EXOC7: variants seen among roughly 807,000 people sequenced by gnomAD.
EXOC7 encodes exocyst complex component 7.
Under a neutral mutation model 87.6 loss-of-function variants are expected in EXOC7, and 51 were observed. That is an observed-to-expected ratio of 0.58 (90% confidence interval 0.46 to 0.73). The LOEUF is 0.73. EXOC7 is among the 30% of genes least tolerant of loss of function. The probability of loss-of-function intolerance (pLI) is 0.00; values close to 1 mark genes in which losing one functional copy is unlikely to be tolerated. For missense variants in EXOC7, 744 were observed against 888.4 expected, an observed-to-expected ratio of 0.84 and a Z score of 2.07; for synonymous variants, 327 against 357.1, an observed-to-expected ratio of 0.92 and a Z score of 0.95.
In EXOC7 at chr17:76,081,286, T is replaced by C. The variant is rs2066958651; in HGVS notation, c.*2362A>G. 1 of 1,613,638 alleles carries C rather than the reference T, an allele frequency of 6.2e-7. No individual in the cohort carries two copies. The highest frequency in any genetic ancestry group is 1.1e-5 in the South Asian group (1 of 91,078). ...TCATTCCCACCCCTCAGCGATGGAG[T>C]TAGAGTTCCAGGCCCACGTGGTGAA... On this transcript the variant is annotated 3_prime_UTR_variant, in exon 19 of 19. Coordinates refer to ENST00000589210, the MANE Select transcript of EXOC7 (RefSeq NM_001013839.4).
chr17:76,090,596 T>C, intron 7 of EXOC7: 1 of 986,594 alleles, frequency 1.0e-6, no homozygotes, highest in Non-Finnish European at 1.5e-6. Context: ...AAGCCTGACT[T>C]CAGTGAGCAC....
At chr17:76,103,131 AAGC>A in intron 2 of EXOC7, 1 of 565,686 alleles carries the variant, frequency 1.8e-6, no homozygotes, top group Admixed American at 3.2e-5. Flanking sequence ...CTTAGACAGA[AAGC>A]AGCAAGTCCA....
Position 76,082,345 on chromosome 17 carries a change from A to G in EXOC7, c.*1303T>C, listed in dbSNP as rs2067017588. The G allele has an allele frequency of 8.7e-7, 1 of 1,146,534 alleles. No individual in the cohort carries two copies. The highest frequency in any genetic ancestry group is 2.6e-5 in the Admixed American group (1 of 38,604). 71.0% of individuals were successfully genotyped at this position (1,146,534 alleles called of 1,614,324 possible). ...TGAAATGGGCCAGACCCAAATTTTC[A>G]TCAGCTGAGAATCTAAGAAAGGAAG... On this transcript the variant is annotated 3_prime_UTR_variant, in exon 19 of 19. Coordinates refer to ENST00000589210, the MANE Select transcript of EXOC7 (RefSeq NM_001013839.4).
At chr17:76,090,992 C>T in intron 7 of EXOC7, 151 bp downstream of exon 7, 3 of 709,732 alleles carry the variant, frequency 4.2e-6, no homozygotes, top group Non-Finnish European at 5.1e-6. Context: ...CCTGTGCCCG[C>T]TGAAGCCCGA....
At chr17:76,086,817 G>C in intron 12 of EXOC7, 1 of 1,546,200 alleles carries the variant, frequency 6.5e-7, no homozygotes, top group Non-Finnish European at 8.8e-7. Context: ...CCAAGCTTCA[G>C]AGGGACAGGA....
intron 1 of EXOC7, 89 bp downstream of exon 1, chr17:76,103,544 C>T: frequency 6.3e-7 from 1 of 1,581,996 alleles, no homozygotes. Flanking sequence ...CTCCCTCCCA[C>T]CCCTGCCTCC....
chr17:76,082,065 G>A lies in EXOC7; in HGVS notation c.*1583C>T. Reference sequence around the variant, plus strand: ...CCTGCTGAAGGTGGGCAGGGGCTGGGGGGTAAGGAATGAGGCCTAGGTGCA... The same window carrying A: ...CCTGCTGAAGGTGGGCAGGGGCTGGAGGGTAAGGAATGAGGCCTAGGTGCA... On this transcript the variant is annotated 3_prime_UTR_variant, in exon 19 of 19. Coordinates refer to ENST00000589210, the MANE Select transcript of EXOC7 (RefSeq NM_001013839.4). 3 of 1,590,406 alleles carry A rather than the reference G, an allele frequency of 1.9e-6. No individual in the cohort carries two copies. The highest frequency in any genetic ancestry group is 1.1e-5 in the South Asian group (1 of 88,676).
Position 76,082,065 on chromosome 17 carries a change from G to C in EXOC7, c.*1583C>G. On this transcript the variant is annotated 3_prime_UTR_variant, in exon 19 of 19. Transcript: ENST00000589210. ...CCTGCTGAAGGTGGGCAGGGGCTGG[G>C]GGGTAAGGAATGAGGCCTAGGTGCA... is the stretch of plus-strand genomic sequence containing the variant. The C allele has an allele frequency of 1.3e-6, 2 of 1,590,406 alleles. No homozygotes were observed. The highest frequency in any genetic ancestry group is 1.7e-6 in the Non-Finnish European group (2 of 1,169,706).
chr17:76,095,135 T>C (rs1161131986), intron 5 of EXOC7, among the ~76,000 whole-genome samples: 1 of 151,412 alleles, frequency 6.6e-6, no homozygotes, highest in Non-Finnish European at 1.5e-5. Context: ...CTAATTTTTG[T>C]ATTTTTAGTA....
chr17:76,094,263 A>G (rs2067638637), intron 6 of EXOC7, 151 bp downstream of exon 6: 3 of 773,642 alleles, frequency 3.9e-6, no homozygotes, highest in Non-Finnish European at 5.9e-6. Flanking sequence ...GTGGGTAGAC[A>G]CTTGCTTTCT....
Position 76,084,207 on chromosome 17 carries a change from C to T in EXOC7, c.1818+41G>A, listed in dbSNP as rs746315521. Reference sequence around the variant, plus strand: ...ACATTTTGGGTCTGTGTTGCCTCAACAGCAGCAGCAAGCAGTGGAGGGGAG... The same window carrying T: ...ACATTTTGGGTCTGTGTTGCCTCAATAGCAGCAGCAAGCAGTGGAGGGGAG... On this transcript the variant is annotated intron_variant, in intron 17 of 18. Coordinates refer to ENST00000589210, the MANE Select transcript of EXOC7 (RefSeq NM_001013839.4). The T allele has an allele frequency of 3.1e-6, 5 of 1,604,960 alleles. 1 individual carries two copies. The highest frequency in any genetic ancestry group is 1.7e-6 in the Non-Finnish European group (2 of 1,173,760).
intron 12 of EXOC7, among the ~76,000 whole-genome samples, chr17:76,087,074 G>GAAC (rs2144608838): frequency 6.6e-6 from 1 of 152,342 alleles, no homozygotes; most frequent in East Asian, 1.9e-4. Context: ...GAGGACCAGG[G>GAAC]AACACCCTGG....
In EXOC7 at chr17:76,081,242, C is replaced by G. The variant is rs374504468; in HGVS notation, c.*2406G>C. 7.4e-6 allele frequency: 12 copies of G among 1,611,032 alleles called. No homozygotes were observed. Among genetic ancestry groups the G allele is most frequent in the Non-Finnish European group, 9.3e-6 (11 of 1,179,068 alleles). Reference sequence around the variant, plus strand: ...CCCAGACTTGGCAGCTGGGATCTCTCCTTCCTGGTTCATAGTTCTCATTCC... The same window carrying G: ...CCCAGACTTGGCAGCTGGGATCTCTGCTTCCTGGTTCATAGTTCTCATTCC... On this transcript the variant is annotated 3_prime_UTR_variant, in exon 19 of 19. Coordinates refer to ENST00000589210, the MANE Select transcript of EXOC7 (RefSeq NM_001013839.4).
chr17:76,091,239 TCACCAGAGC>T lies in EXOC7; in HGVS notation c.809-13_809-5del, dbSNP rs763800809. On this transcript the variant is annotated splice_region_variant and splice_polypyrimidine_tract_variant and intron_variant, in intron 6 of 18. Transcript: ENST00000589210. Reference sequence around the variant, plus strand: ...TTCTGAGCCTTACGGATCGTCCCTGTCACCAGAGCCACACAGAGAGGAGATAAGAAGACC... The same window carrying T: ...TTCTGAGCCTTACGGATCGTCCCTGTCACACAGAGAGGAGATAAGAAGACC... 5 of 1,613,526 alleles carry T rather than the reference TCACCAGAGC, an allele frequency of 3.1e-6. No homozygotes were observed. The highest frequency in any genetic ancestry group is 4.2e-6 in the Non-Finnish European group (5 of 1,179,572).
chr17:76,090,298 G>A lies in EXOC7; in HGVS notation c.901+845C>T, dbSNP rs778433681. The stretch of plus-strand genomic sequence containing the variant: ...GGACCGCTGCGAAGGCAGTGTCAGC[G>A]GCTGCCCTCGGGCTGGGCTGCGGTA... On this transcript the variant is annotated intron_variant, in intron 7 of 18. Coordinates refer to ENST00000589210, the MANE Select transcript of EXOC7 (RefSeq NM_001013839.4). The A allele has an allele frequency of 1.4e-5, 22 of 1,546,494 alleles. No individual in the cohort carries two copies. The African/African-American group carries it at 1.6e-4, about 12-fold the overall frequency.
chr17:76,089,242 T>G lies in EXOC7; in HGVS notation c.980A>C (p.Glu327Ala), dbSNP rs191012010. The change falls in exon 8 of 19, where the codon GAG becomes GCG. Residue 327 changes from glutamate to alanine, a missense_variant. Physicochemically the swap from Glu to Ala is moderately radical, Grantham distance 107. Coordinates refer to ENST00000589210, the MANE Select transcript of EXOC7 (RefSeq NM_001013839.4). Reference protein sequence around the residue: ...VSAFVKLAQSEYQLLADIIPE... With the variant: ...VSAFVKLAQSAYQLLADIIPE... ...GATGATGTCGGCCAGCAGCTGGTAC[T>G]CGCTCTGCGCCAGCTTGACGAAGGC... 6.2e-7 allele frequency: 1 copy of G among 1,614,114 alleles called. No homozygotes were observed. Among genetic ancestry groups the G allele is most frequent in the East Asian group, 2.2e-5 (1 of 44,886 alleles).
chr17:76,098,967 T>C (rs1013294681), intron 4 of EXOC7, among the ~76,000 whole-genome samples: 6 of 152,020 alleles, frequency 3.9e-5, no homozygotes, highest in African/African-American at 1.4e-4. Flanking sequence ...AATAAATAAA[T>C]TGAACAATAT....
chr17:76,097,937 G>T lies in EXOC7; in HGVS notation c.499C>A (p.Pro167Thr), dbSNP rs1567984890. 6.2e-6 allele frequency: 10 copies of T among 1,614,046 alleles called. No homozygotes were observed. Among genetic ancestry groups the T allele is most frequent in the Non-Finnish European group, 8.5e-6 (10 of 1,180,002 alleles). ...CTGATCAGATCCAAGATGAGCACGG[G>T]CGAGACGACCTTACTGTGCCGCGTC... The part of the protein sequence containing the change: ...LMTRHSKVVS[P>T]VLILDLISGD... The change falls in exon 5 of 19, where the codon CCC becomes ACC. Residue 167 changes from proline (P) to threonine (T), a missense_variant. Pro to Thr is a conservative substitution (Grantham distance 38). Around this residue, in one of 3 missense-constraint regions of EXOC7, gnomAD observed 512 missense variants for 573.0 expected, o/e 0.89. Transcript: ENST00000589210.
At chr17:76,091,121 G>C in intron 7 of EXOC7, 22 bp downstream of exon 7, 1 of 1,598,890 alleles carries the variant, frequency 6.3e-7, no homozygotes, top group Non-Finnish European at 8.6e-7. Context: ...GAAGGGACAG[G>C]AGGGGAACAC....
Sources: allele counts gnomAD v4.1 joint callset (sites outside exome capture counted in the v4.1 genomes callset), GRCh38; gene constraint gnomAD v4.1.1; regional missense constraint gnomAD v4.1.1; transcripts MANE v1.5; gene names NCBI Gene and HGNC (gene_info 2026-07-23, HGNC 2026-07-21).